Variants in PTPN12 observed in about 807,000 individuals in gnomAD.
The protein encoded by PTPN12 is tyrosine-protein phosphatase non-receptor type 12.
PTPN12 carries 29 observed loss-of-function variants against 97.6 expected under a neutral mutation model. The observed-to-expected ratio is 0.30, with a 90% confidence interval of 0.22 to 0.41. The LOEUF is 0.41. PTPN12 is among the 10% of genes least tolerant of loss of function. The pLI is 1.00. For synonymous variants in PTPN12, 327 were observed against 300.4 expected (o/e 1.09, Z -0.91); for missense variants, 819 against 926.0 (o/e 0.88, Z 1.50).
intron 8 of PTPN12, among the ~76,000 whole-genome samples, chr7:77,604,678 C>T (rs1388569025): frequency 6.6e-6 from 1 of 151,904 alleles, no homozygotes; most frequent in Non-Finnish European, 1.5e-5. Flanking sequence ...GATATTTGTA[C>T]ATAGAAAGTC....
chr7:77,578,417 T>C (rs1040942698), intron 2 of PTPN12, among the ~76,000 whole-genome samples: 1 of 152,176 alleles, frequency 6.6e-6, no homozygotes, highest in African/African-American at 2.4e-5. Flanking sequence ...TGACAGAGCA[T>C]TGACAAACAT....
chr7:77,537,823 C>T (rs970736130), intron 1 of PTPN12, among the ~76,000 whole-genome samples, 178 bp downstream of exon 1: 1 of 151,994 alleles, frequency 6.6e-6, no homozygotes. Flanking sequence ...GCGCCTCCCC[C>T]CGTGGCCTCC....
chr7:77,638,583 C>G, intron 16 of PTPN12, 41 bp from the exon 17 acceptor site: 1 of 1,527,086 alleles, frequency 6.5e-7, no homozygotes, highest in Non-Finnish European at 8.7e-7. Flanking sequence ...TATGATGCTA[C>G]AAAGGATGGT....
intron 1 of PTPN12, among the ~76,000 whole-genome samples, chr7:77,538,346 G>C (rs1806766869): frequency 6.6e-6 from 1 of 152,016 alleles, no homozygotes; most frequent in Admixed American, 6.5e-5. Context: ...ATAAGTGTGG[G>C]TGGGGGAATT....
intron 2 of PTPN12, among the ~76,000 whole-genome samples, chr7:77,572,175 A>G (rs1164689878): frequency 6.6e-6 from 1 of 150,988 alleles, no homozygotes; most frequent in Non-Finnish European, 1.5e-5. Context: ...GCTCACTGCA[A>G]CCTCTGCCTC....
chr7:77,614,773 T>A (rs1041464038), intron 11 of PTPN12, among the ~76,000 whole-genome samples: 1 of 152,186 alleles, frequency 6.6e-6, no homozygotes, highest in Non-Finnish European at 1.5e-5. Flanking sequence ...TGTGGTTGAA[T>A]GAAATGACTT....
chr7:77,558,549 G>A (rs1398534334), intron 1 of PTPN12, among the ~76,000 whole-genome samples: 2 of 152,190 alleles, frequency 1.3e-5, no homozygotes, highest in African/African-American at 4.8e-5. Context: ...GAGAGAGTTT[G>A]GCTTTTTCAT....
chr7:77,615,324 T>A (rs1788711667), intron 11 of PTPN12, among the ~76,000 whole-genome samples: 1 of 152,234 alleles, frequency 6.6e-6, no homozygotes, highest in South Asian at 2.1e-4. Flanking sequence ...TTTATTTTCT[T>A]CTGCAGCTGA....
intron 8 of PTPN12, 52 bp downstream of exon 8, chr7:77,600,858 C>G: frequency 7.0e-7 from 1 of 1,428,616 alleles, no homozygotes; most frequent in African/African-American, 1.4e-5. Context: ...TTTGATGTTA[C>G]ACAAGGTTTT....
At chr7:77,572,316 C>T (rs912508592) in intron 2 of PTPN12, among the ~76,000 whole-genome samples, 1 of 151,742 alleles carries the variant, frequency 6.6e-6, no homozygotes, top group African/African-American at 2.4e-5. Context: ...TGCCCAGGGC[C>T]CAGTGGCTTT....
chr7:77,538,752 A>G (rs764621356), intron 1 of PTPN12: 21 of 152,142 alleles, frequency 1.4e-4, no homozygotes, highest in Admixed American at 2.6e-4. Context: ...CTGCTGGACA[A>G]TGTTCCCTCT....
Position 77,537,405 on chromosome 7 carries a change from A to C in PTPN12, c.-142A>C. 9.3e-7 allele frequency: 1 copy of C among 1,069,712 alleles called. No homozygotes were observed. The highest frequency in any genetic ancestry group is 1.2e-6 in the Non-Finnish European group (1 of 853,704). 66.3% of individuals were successfully genotyped at this position (1,069,712 alleles called of 1,614,324 possible). On this transcript the variant is annotated 5_prime_UTR_variant, in exon 1 of 18. Transcript: ENST00000248594. ...GCAGCCGCCGCCTAGGGCGGTGGGG[A>C]GGAGGAGGGAGCCGCGGGGCTTGGC...
intron 1 of PTPN12, among the ~76,000 whole-genome samples, chr7:77,540,504 A>T (rs190469710): frequency 6.6e-6 from 1 of 151,860 alleles, no homozygotes; most frequent in Non-Finnish European, 1.5e-5. Flanking sequence ...TCAGCCTCCC[A>T]AAGTGCTAGG....
At chr7:77,569,814 A>G (rs1489454414) in intron 1 of PTPN12, among the ~76,000 whole-genome samples, 2 of 152,160 alleles carry the variant, frequency 1.3e-5, no homozygotes, top group African/African-American at 2.4e-5. Context: ...TTTGAATATA[A>G]ATCATTTCAT....
Position 77,555,609 on chromosome 7 carries a change from T to A in PTPN12, c.100-15469T>A, listed in dbSNP as rs190196089. ...ATTCTTCATTTTTGTTACAGTTTTT[T>A]AAAAAAATCTCTAGCGTTTCTTAGG... On this transcript the variant is annotated intron_variant, in intron 1 of 17. Transcript: ENST00000248594. Among the ~76,000 whole-genome samples the A allele has an allele frequency of 2.4e-3, 361 of 152,244 alleles. 1 individual carries two copies. Among genetic ancestry groups the A allele is most frequent in the East Asian group, 0.018 (92 of 5,176 alleles).
At chr7:77,552,098 A>G (rs1269408752) in intron 1 of PTPN12, among the ~76,000 whole-genome samples, 5 of 152,222 alleles carry the variant, frequency 3.3e-5, no homozygotes, top group Non-Finnish European at 5.9e-5. Context: ...AAATTACTTT[A>G]TAATTTAGAT....
chr7:77,576,971 C>T (rs1350836482), intron 2 of PTPN12, among the ~76,000 whole-genome samples: 1 of 152,176 alleles, frequency 6.6e-6, no homozygotes, highest in Non-Finnish European at 1.5e-5. Context: ...CTGGCTGACC[C>T]CACAATTGAA....
intron 11 of PTPN12, among the ~76,000 whole-genome samples, chr7:77,613,375 A>T (rs908195138): frequency 6.6e-6 from 1 of 151,094 alleles, no homozygotes; most frequent in Non-Finnish European, 1.5e-5. Context: ...GGGTTTCACC[A>T]TGTTGGCCAG....
chr7:77,565,368 A>G (rs1266519893), intron 1 of PTPN12, among the ~76,000 whole-genome samples: 3 of 152,232 alleles, frequency 2.0e-5, no homozygotes, highest in Admixed American at 2.0e-4. Flanking sequence ...ATTTTTGCTA[A>G]CAAGATTTGC....
Sources: allele counts gnomAD v4.1 joint callset (sites outside exome capture counted in the v4.1 genomes callset), GRCh38; gene constraint gnomAD v4.1.1; transcripts MANE v1.5; gene names NCBI Gene and HGNC (gene_info 2026-07-23, HGNC 2026-07-21).